Variants in MAN1A2 observed in about 807,000 individuals in gnomAD.
MAN1A2 encodes the protein mannosidase alpha class 1A member 2.
A neutral mutation model predicts 75.7 loss-of-function variants in MAN1A2; 26 were observed. The ratio of observed to expected loss-of-function variants is 0.34; its 90% CI spans 0.25 to 0.48. The LOEUF is 0.48. Among genes scored for constraint, MAN1A2 ranks in the 20% least tolerant of loss-of-function variants. MAN1A2 has a pLI of 0.99. For synonymous variants in MAN1A2, 247 were observed against 264.6 expected (o/e 0.93, Z 0.65); for missense variants, 562 against 775.5 (o/e 0.72, Z 3.27).
chr1:117,496,960 T>C lies in MAN1A2; in HGVS notation c.1482T>C (p.Cys494=), dbSNP rs1651052122. Residue 494 remains cysteine (C), a synonymous_variant, in exon 10 of 13, where the codon TGT becomes TGC. Coordinates refer to ENST00000356554, the MANE Select transcript of MAN1A2 (RefSeq NM_006699.5). ...TAGGGGCAGAAATTGCACGTACTTG[T>C]CATGAGTCATATGACAGAACTGGTA... ...LELGAEIART[C]HESYDRTALK... is the part of the protein sequence containing the mutation. The C allele has an allele frequency of 6.2e-7, 1 of 1,611,790 alleles. No individual in the cohort carries two copies. Among genetic ancestry groups the C allele is most frequent in the African/African-American group, 1.3e-5 (1 of 74,790 alleles).
At chr1:117,486,020 C>T (rs758938761) in intron 8 of MAN1A2, among the ~76,000 whole-genome samples, 3 of 151,964 alleles carry the variant, frequency 2.0e-5, no homozygotes, top group Non-Finnish European at 2.9e-5. Context: ...ACACTAGCTA[C>T]CCAGAACTTT....
chr1:117,439,496 T>G (rs1426547528), intron 5 of MAN1A2, among the ~76,000 whole-genome samples: 1 of 148,270 alleles, frequency 6.7e-6, no homozygotes, highest in Non-Finnish European at 1.5e-5. Context: ...TGTGTTGTCT[T>G]ACTTTTTTTT....
In MAN1A2 at chr1:117,442,301, C is replaced by T; in HGVS notation, c.926C>T (p.Pro309Leu). 1 of 1,610,500 alleles carries T rather than the reference C, an allele frequency of 6.2e-7. No homozygotes were observed. The highest frequency in any genetic ancestry group is 8.5e-7 in the Non-Finnish European group (1 of 1,176,866). Reference protein sequence around the residue: ...LPAFNTPTGIPWAMVNLKSGV... With the variant: ...LPAFNTPTGILWAMVNLKSGV... ...GCCTTTAACACACCTACTGGGATTC[C>T]TTGGGCAATGGTGAATTTGAAAAGG... The change falls in exon 6 of 13, where the codon CCT becomes CTT. Residue 309 changes from proline (P) to leucine (L), a missense_variant. Pro to Leu is a moderately conservative substitution (Grantham distance 98). This residue lies in a region of MAN1A2 where 434 missense variants were observed against 645.7 expected (regional missense o/e 0.67). Transcript: ENST00000356554.
chr1:117,386,364 G>T (rs946682475), intron 1 of MAN1A2, among the ~76,000 whole-genome samples: 8 of 152,118 alleles, frequency 5.3e-5, no homozygotes, highest in Non-Finnish European at 1.2e-4. Context: ...TTGGAAACAT[G>T]GGGACATTTT....
At chr1:117,375,785 T>G (rs887009329) in intron 1 of MAN1A2, among the ~76,000 whole-genome samples, 1 of 152,234 alleles carries the variant, frequency 6.6e-6, no homozygotes, top group Admixed American at 6.5e-5. Flanking sequence ...TAGAGATAAC[T>G]TTCCACCTAT....
At chr1:117,429,476 C>CG (rs1273144062) in intron 5 of MAN1A2, among the ~76,000 whole-genome samples, 5 of 75,222 alleles carry the variant, frequency 6.6e-5, no homozygotes, top group Admixed American at 1.2e-4. Flanking sequence ...GCTGGCCGGG[C>CG]GGGGGGCCGA....
intron 1 of MAN1A2, among the ~76,000 whole-genome samples, chr1:117,379,225 T>TA (rs1187454822): frequency 6.6e-6 from 1 of 152,084 alleles, no homozygotes; most frequent in African/African-American, 2.4e-5. Context: ...CTGTGTGACT[T>TA]ATTGAAGAGT....
chr1:117,478,616 A>AT (rs928467632), intron 8 of MAN1A2, among the ~76,000 whole-genome samples: 7 of 151,658 alleles, frequency 4.6e-5, no homozygotes, highest in African/African-American at 7.3e-5. Context: ...ATCAAAGTTT[A>AT]TTTTTTTTAC....
At chr1:117,386,711 G>A (rs907604230) in intron 1 of MAN1A2, among the ~76,000 whole-genome samples, 1 of 50,146 alleles carries the variant, frequency 2.0e-5, no homozygotes. Flanking sequence ...GCTTTGGCTC[G>A]GCTCAGTGGC....
intron 8 of MAN1A2, among the ~76,000 whole-genome samples, chr1:117,489,238 A>G (rs1415045503): frequency 2.0e-5 from 3 of 152,060 alleles, no homozygotes; most frequent in Non-Finnish European, 4.4e-5. Flanking sequence ...ATATTTCTGC[A>G]AATATTGTTA....
intron 1 of MAN1A2, among the ~76,000 whole-genome samples, chr1:117,372,579 A>G (rs1308128994): frequency 1.3e-5 from 2 of 152,182 alleles, no homozygotes; most frequent in African/African-American, 4.8e-5. Flanking sequence ...ATAGATGATA[A>G]GGATATATCA....
At chr1:117,429,298 G>A (rs373066567) in intron 5 of MAN1A2, among the ~76,000 whole-genome samples, 35,017 of 135,456 alleles carry the variant, frequency 0.26, 6,028 homozygotes, top group East Asian at 0.45. Context: ...ATCCTGGCCC[G>A]TTCTCAGTGA....
chr1:117,381,251 A>G (rs911361289), intron 1 of MAN1A2, among the ~76,000 whole-genome samples: 4 of 152,068 alleles, frequency 2.6e-5, no homozygotes, highest in Non-Finnish European at 5.9e-5. Flanking sequence ...TTAGTTACAT[A>G]TGTATACATG....
At chr1:117,429,810 G>A (rs1648541445) in intron 5 of MAN1A2, among the ~76,000 whole-genome samples, 6 of 86,592 alleles carry the variant, frequency 6.9e-5, no homozygotes, top group African/African-American at 2.3e-4. Context: ...GCGGGGGGCC[G>A]ACACCCCCAC....
intron 12 of MAN1A2, among the ~76,000 whole-genome samples, chr1:117,503,791 T>C (rs1651271356): frequency 4.0e-5 from 6 of 151,568 alleles, no homozygotes; most frequent in Non-Finnish European, 1.5e-5. Flanking sequence ...TTTTACATTC[T>C]AGTATACTTG....
intron 5 of MAN1A2, among the ~76,000 whole-genome samples, chr1:117,428,372 C>T (rs1648449692): frequency 6.6e-6 from 1 of 151,950 alleles, no homozygotes; most frequent in South Asian, 2.1e-4. Context: ...GCCTTGGCCT[C>T]CCAAAGTGCT....
chr1:117,446,969 G>A (rs947165524), intron 6 of MAN1A2, among the ~76,000 whole-genome samples: 4 of 152,070 alleles, frequency 2.6e-5, no homozygotes, highest in Middle Eastern at 3.4e-3. Flanking sequence ...GTACTTACAC[G>A]TTTATTATAT....
intron 5 of MAN1A2, among the ~76,000 whole-genome samples, chr1:117,431,532 T>C (rs923183183): frequency 4.6e-5 from 7 of 152,218 alleles, no homozygotes; most frequent in African/African-American, 1.7e-4. Flanking sequence ...TATTTATTTA[T>C]ACAGCACTTT....
At chr1:117,448,953 A>G (rs1455327226) in intron 6 of MAN1A2, among the ~76,000 whole-genome samples, 16 of 152,216 alleles carry the variant, frequency 1.1e-4, no homozygotes, top group African/African-American at 3.6e-4. Context: ...AACAGCATAT[A>G]TCACATTTTG....
Sources: allele counts gnomAD v4.1 joint callset (sites outside exome capture counted in the v4.1 genomes callset), GRCh38; gene constraint gnomAD v4.1.1; regional missense constraint gnomAD v4.1.1; transcripts MANE v1.5; gene names NCBI Gene and HGNC (gene_info 2026-07-23, HGNC 2026-07-21).